MSRB3: variants seen among roughly 807,000 people sequenced by gnomAD.
MSRB3 encodes methionine sulfoxide reductase B3.
A neutral mutation model predicts 21.0 loss-of-function variants in MSRB3; 13 were observed. That is an observed-to-expected ratio of 0.62 (90% confidence interval 0.40 to 0.98). The LOEUF (loss-of-function observed/expected upper bound fraction) is 0.98, where lower values mean the gene tolerates loss of function less well. Ranked by LOEUF, MSRB3 falls within the 50% of genes least tolerant of loss-of-function variation. The probability of loss-of-function intolerance (pLI) is 0.00; values close to 1 mark genes in which losing one functional copy is unlikely to be tolerated. For synonymous variants in MSRB3, 87 were observed against 88.6 expected (o/e 0.98, Z 0.10); for missense variants, 199 against 230.3 (o/e 0.86, Z 0.88).
At chr12:65,352,754 C>G (rs942437917) in intron 4 of MSRB3, among the ~76,000 whole-genome samples, 11 of 150,950 alleles carry the variant, frequency 7.3e-5, no homozygotes, top group Non-Finnish European at 1.5e-4. Flanking sequence ...ATCCAACTTA[C>G]AAGGGATGTG....
At chr12:65,404,943 C>T (rs1445147377) in intron 5 of MSRB3, among the ~76,000 whole-genome samples, 2 of 151,724 alleles carry the variant, frequency 1.3e-5, no homozygotes, top group Non-Finnish European at 2.9e-5. Context: ...CCCCTGATAA[C>T]TAACCTTCTA....
At chr12:65,331,272 G>A (rs1014565730) in intron 4 of MSRB3, among the ~76,000 whole-genome samples, 2 of 152,162 alleles carry the variant, frequency 1.3e-5, no homozygotes, top group Admixed American at 6.5e-5. Context: ...ATTATGAACT[G>A]TAAGAGAGGA....
At chr12:65,435,906 T>G in intron 5 of MSRB3, among the ~76,000 whole-genome samples, 1 of 151,908 alleles carries the variant, frequency 6.6e-6, no homozygotes, top group East Asian at 1.9e-4. Flanking sequence ...ATTTTTTCAA[T>G]AATAGATGTG....
chr12:65,322,272 T>C (rs1033593570), intron 2 of MSRB3, among the ~76,000 whole-genome samples: 5 of 152,204 alleles, frequency 3.3e-5, no homozygotes, highest in African/African-American at 1.2e-4. Flanking sequence ...TTATTACTTT[T>C]TCCCCCTTAT....
At chr12:65,355,827 A>G (rs1246928348) in intron 4 of MSRB3, among the ~76,000 whole-genome samples, 2 of 151,872 alleles carry the variant, frequency 1.3e-5, no homozygotes, top group African/African-American at 2.4e-5. Context: ...GACTGACCAA[A>G]TATACCTGCA....
chr12:65,331,991 C>G (rs960394402), intron 4 of MSRB3, among the ~76,000 whole-genome samples: 2 of 152,158 alleles, frequency 1.3e-5, no homozygotes, highest in Admixed American at 1.3e-4. Flanking sequence ...GGCTTTTGCT[C>G]CTGGAGTCTG....
intron 6 of MSRB3, among the ~76,000 whole-genome samples, chr12:65,458,996 C>T (rs533343902): frequency 6.6e-6 from 1 of 152,310 alleles, no homozygotes; most frequent in South Asian, 2.1e-4. Flanking sequence ...CACAGTTTAA[C>T]CTGCAGTTCA....
At position 65,373,086 on chromosome 12, in the gene MSRB3, G is replaced by A. The variant is rs571869493; in HGVS notation, c.292+4060G>A. ...TAATGGACTAGTAATGAGTAGGATG[G>A]AAGAAAAAGTGAAGGATGAGGGTGA... is the stretch of plus-strand genomic sequence containing the variant. On this transcript the variant is annotated intron_variant, in intron 5 of 6. Coordinates refer to ENST00000308259, the MANE Select transcript of MSRB3 (RefSeq NM_001031679.3). Among the ~76,000 whole-genome samples the A allele has an allele frequency of 6.5e-4, 99 of 152,276 alleles. 3 individuals are homozygous for A. The South Asian group carries it at 0.019, about 30-fold the overall frequency.
intron 5 of MSRB3, among the ~76,000 whole-genome samples, chr12:65,407,642 C>T (rs992387201): frequency 6.6e-6 from 1 of 152,122 alleles, no homozygotes; most frequent in African/African-American, 2.4e-5. Context: ...AACATTTTCT[C>T]TGTTCCTTTT....
chr12:65,342,221 G>A (rs1876193614), intron 4 of MSRB3, among the ~76,000 whole-genome samples: 1 of 150,732 alleles, frequency 6.6e-6, no homozygotes, highest in African/African-American at 2.4e-5. Flanking sequence ...AAAACCAACA[G>A]CAGTGGCAAA....
At chr12:65,399,115 T>C (rs559273292) in intron 5 of MSRB3, among the ~76,000 whole-genome samples, 1 of 152,348 alleles carries the variant, frequency 6.6e-6, no homozygotes, top group South Asian at 2.1e-4. Flanking sequence ...ATATGAAACT[T>C]AAAGTAGTTG....
intron 4 of MSRB3, among the ~76,000 whole-genome samples, chr12:65,335,647 A>C (rs186090877): frequency 5.9e-5 from 9 of 152,284 alleles, no homozygotes; most frequent in South Asian, 2.1e-4. Context: ...GTAAGAGCAC[A>C]GTGAGAAGAT....
chr12:65,347,119 A>G (rs976575553), intron 4 of MSRB3, among the ~76,000 whole-genome samples: 7 of 152,194 alleles, frequency 4.6e-5, no homozygotes, highest in Non-Finnish European at 7.3e-5. Flanking sequence ...CAATTCTGTG[A>G]AGAAAGTCAT....
chr12:65,453,340 T>C (rs1465514112), intron 5 of MSRB3, among the ~76,000 whole-genome samples: 2 of 152,170 alleles, frequency 1.3e-5, no homozygotes, highest in Admixed American at 1.3e-4. Context: ...CCAGACCAAT[T>C]GATTGTGTTT....
intron 1 of MSRB3, among the ~76,000 whole-genome samples, chr12:65,288,682 A>G (rs1872522963): frequency 6.6e-6 from 1 of 152,190 alleles, no homozygotes; most frequent in Admixed American, 6.5e-5. Flanking sequence ...GGAATTGCTT[A>G]TTTATGCTTG....
chr12:65,451,670 C>G (rs1369777247), intron 5 of MSRB3, among the ~76,000 whole-genome samples: 1 of 152,116 alleles, frequency 6.6e-6, no homozygotes, highest in Non-Finnish European at 1.5e-5. Context: ...AACCTCTCCC[C>G]CACATAAAGA....
At chr12:65,435,028 G>A (rs1023689809) in intron 5 of MSRB3, among the ~76,000 whole-genome samples, 3 of 151,824 alleles carry the variant, frequency 2.0e-5, no homozygotes, top group African/African-American at 7.2e-5. Context: ...GGAGAGGAAG[G>A]GATGGAAATT....
intron 5 of MSRB3, among the ~76,000 whole-genome samples, chr12:65,393,612 TAGA>T (rs1879606090): frequency 7.0e-6 from 1 of 142,850 alleles, no homozygotes; most frequent in African/African-American, 2.6e-5. Flanking sequence ...GCCTGGGCAG[TAGA>T]GCGAGACTCC....
Position 65,383,367 on chromosome 12 carries a change from A to G in MSRB3, c.292+14341A>G, listed in dbSNP as rs115303930. On this transcript the variant is annotated intron_variant, in intron 5 of 6. Coordinates refer to ENST00000308259, the MANE Select transcript of MSRB3 (RefSeq NM_001031679.3). ...GTAGTCTTTCATGATTGTGATAAGT[A>G]TGAAAGAAGATTGCCTCTTTCTGAA... Among the ~76,000 whole-genome samples the G allele has an allele frequency of 1.3e-3, 204 of 152,312 alleles. 1 individual carries two copies. Among genetic ancestry groups the G allele is most frequent in the African/African-American group, 4.8e-3 (200 of 41,564 alleles).
Sources: allele counts gnomAD v4.1 joint callset (sites outside exome capture counted in the v4.1 genomes callset), GRCh38; gene constraint gnomAD v4.1.1; transcripts MANE v1.5; gene names NCBI Gene and HGNC (gene_info 2026-07-23, HGNC 2026-07-21).